The following GOLGA3 variants were observed in gnomAD, a reference collection of about 807,000 sequenced individuals.
The protein encoded by GOLGA3 is golgin subfamily A member 3.
In GOLGA3, 75 loss-of-function variants were observed where a neutral mutation model predicts 169.4. That is an observed-to-expected ratio of 0.44 (90% CI 0.37 to 0.54). The LOEUF is 0.54. GOLGA3 is among the 20% of genes least tolerant of loss of function. The pLI is 0.00. For missense variants in GOLGA3, 1,899 were observed against 1,930.0 expected (o/e 0.98, Z 0.30); for synonymous variants, 824 against 822.4 (o/e 1.00, Z -0.03).
At chr12:132,797,958 C>T (rs1948936587) in intron 9 of GOLGA3, among the ~76,000 whole-genome samples, 1 of 152,226 alleles carries the variant, frequency 6.6e-6, no homozygotes. Context: ...CGCACTGGCC[C>T]CTTCCTCCGT....
chr12:132,822,727 C>A (rs1950267225), intron 1 of GOLGA3, among the ~76,000 whole-genome samples: 1 of 152,128 alleles, frequency 6.6e-6, no homozygotes, highest in South Asian at 2.1e-4. Flanking sequence ...TCAAGACCAG[C>A]CTGGCCAACA....
intron 11 of GOLGA3, among the ~76,000 whole-genome samples, chr12:132,795,535 T>C (rs112434181): frequency 2.1e-5 from 3 of 143,340 alleles, no homozygotes; most frequent in East Asian, 2.1e-4. Flanking sequence ...CCGAGGCGGG[T>C]GGATCACTTG....
In GOLGA3 at chr12:132,801,823, G is replaced by A. The variant is rs752845383; in HGVS notation, c.1744C>T (p.Leu582Phe). 2 of 1,610,160 alleles carry A rather than the reference G, an allele frequency of 1.2e-6. No individual in the cohort carries two copies. The highest frequency in any genetic ancestry group is 1.1e-5 in the South Asian group (1 of 91,086). Residue 582 changes from leucine to phenylalanine, a missense_variant, in exon 8 of 24, where the codon CTC becomes TTC. Coordinates refer to ENST00000450791, the MANE Select transcript of GOLGA3 (RefSeq NM_001389683.1). ...ACGCGGGCCTCCTGTGCCAGGGCGA[G>A]CTGCTGCTGGTACCACTGCCGGACA... ...QSVRQWYQQQLALAQEARVRL... is the reference protein window; with the variant it reads ...QSVRQWYQQQFALAQEARVRL...
chr12:132,796,417 C>G (rs1363422483), intron 10 of GOLGA3, 122 bp downstream of exon 10: 1 of 1,258,014 alleles, frequency 7.9e-7, no homozygotes, highest in Non-Finnish European at 1.1e-6. Flanking sequence ...ACCGACAGCC[C>G]AACTCCCACC....
intron 1 of GOLGA3, among the ~76,000 whole-genome samples, chr12:132,825,282 A>T (rs556952068): frequency 2.0e-5 from 3 of 152,074 alleles, no homozygotes; most frequent in Non-Finnish European, 2.9e-5. Context: ...CCCCGCAGGT[A>T]AAGTGTCTCG....
rs2044862845 is a variant in GOLGA3, at chr12:132,770,711, T to G, written c.*2394A>C. The G allele has an allele frequency of 6.6e-6, 1 of 152,282 alleles. No homozygotes were observed. Among genetic ancestry groups the G allele is most frequent in the Admixed American group, 6.5e-5 (1 of 15,288 alleles). 9.4% of individuals were successfully genotyped at this position (152,282 alleles called of 1,614,324 possible). On this transcript the variant is annotated 3_prime_UTR_variant, in exon 24 of 24. Transcript: ENST00000450791. The stretch of plus-strand genomic sequence containing the variant: ...GGGCAGTGGCGCGATCTCGGCTCAC[T>G]GCAAGCTCCGCCTCCTGGGTTCAAG...
At chr12:132,783,745 T>G in intron 16 of GOLGA3, 3 of 338,230 alleles carry the variant, frequency 8.9e-6, no homozygotes, top group Non-Finnish European at 5.0e-6. Flanking sequence ...ACCCGGCTAA[T>G]TTTTGTATTT....
In GOLGA3 at chr12:132,796,522, G is replaced by C. The variant is rs1948848579; in HGVS notation, c.2100+17C>G. ...ACCTGGGGCCTGGGTCCAGCCTGAAGGGCTGCAGGGACTTACCTGCTCCAG... is the reference window on the plus strand; with the variant it reads ...ACCTGGGGCCTGGGTCCAGCCTGAACGGCTGCAGGGACTTACCTGCTCCAG... On this transcript the variant is annotated intron_variant, in intron 10 of 23. Coordinates refer to ENST00000450791, the MANE Select transcript of GOLGA3 (RefSeq NM_001389683.1). 1.9e-6 allele frequency: 3 copies of C among 1,602,962 alleles called. No individual in the cohort carries two copies. Among genetic ancestry groups the C allele is most frequent in the East Asian group, 2.2e-5 (1 of 44,886 alleles).
intron 17 of GOLGA3, 32 bp downstream of exon 17, chr12:132,782,264 G>T: frequency 6.4e-7 from 1 of 1,550,884 alleles, no homozygotes; most frequent in Non-Finnish European, 8.9e-7. Flanking sequence ...CTCTCACACC[G>T]TTGCTGGCGT....
Position 132,772,988 on chromosome 12 carries a change from A to G in GOLGA3, c.*117T>C, listed in dbSNP as rs565237830. 2.8e-5 allele frequency: 21 copies of G among 750,286 alleles called. No homozygotes were observed. Among genetic ancestry groups the G allele is most frequent in the Admixed American group, 2.0e-4 (6 of 30,386 alleles). The allele number at this position is 750,286 out of a possible 1,614,324, so 46.5% of individuals were successfully genotyped here. A position where few individuals can be genotyped will look rare whatever the true frequency, so the allele number is the denominator to read the frequency against. ...TCTGCTATATATTTTACTTCTTGTT[A>G]AAGGCAAAACAAAACTTAAATTTCA... On this transcript the variant is annotated 3_prime_UTR_variant, in exon 24 of 24. Transcript: ENST00000450791.
chr12:132,776,127 TCCCG>T, intron 21 of GOLGA3, among the ~76,000 whole-genome samples: 2 of 91,272 alleles, frequency 2.2e-5, no homozygotes, highest in Non-Finnish European at 6.1e-5. Context: ...GAAGTGGTGC[TCCCG>T]CCTGTGTCCA....
At chr12:132,789,897 G>A (rs2046132703) in intron 12 of GOLGA3, among the ~76,000 whole-genome samples, 1 of 152,150 alleles carries the variant, frequency 6.6e-6, no homozygotes, top group South Asian at 2.1e-4. Context: ...GCCAGGCGTG[G>A]TGGTGCATGC....
chr12:132,807,486 G>A (rs1465568171), intron 5 of GOLGA3, among the ~76,000 whole-genome samples, 198 bp from the exon 6 acceptor site: 1 of 152,198 alleles, frequency 6.6e-6, no homozygotes. Flanking sequence ...CTCACGCAGT[G>A]GGAACTGTTA....
At chr12:132,822,820 G>A (rs1455981695) in intron 1 of GOLGA3, among the ~76,000 whole-genome samples, 1 of 152,192 alleles carries the variant, frequency 6.6e-6, no homozygotes, top group Non-Finnish European at 1.5e-5. Context: ...TACTCGGGAG[G>A]CTGAGGCAGG....
At chr12:132,775,745 T>A (rs1343593480) in intron 21 of GOLGA3, among the ~76,000 whole-genome samples, 1 of 137,124 alleles carries the variant, frequency 7.3e-6, no homozygotes, top group Admixed American at 8.6e-5. Flanking sequence ...TGGACGCTTG[T>A]CGGCCTGTGT....
At chr12:132,775,746 C>T (rs192816162) in intron 21 of GOLGA3, among the ~76,000 whole-genome samples, 229 of 137,284 alleles carry the variant, frequency 1.7e-3, no homozygotes, top group Non-Finnish European at 3.3e-3. Flanking sequence ...GGACGCTTGT[C>T]GGCCTGTGTC....
At position 132,777,780 on chromosome 12, in the gene GOLGA3, C is replaced by A; in HGVS notation, c.3608G>T (p.Gly1203Val). 1 of 1,613,594 alleles carries A rather than the reference C, an allele frequency of 6.2e-7. No individual in the cohort carries two copies. Among genetic ancestry groups the A allele is most frequent in the East Asian group, 2.2e-5 (1 of 44,862 alleles). ...EQVAAAKVEAGHNRRHFKAAS... is the reference protein window; with the variant it reads ...EQVAAAKVEAVHNRRHFKAAS... ...CGCCTTGAAGTGGCGGCGGTTATGC[C>A]CGGCTTCCACCTTGGCAGCAGCCAC... is the stretch of plus-strand genomic sequence containing the variant. The change falls in exon 19 of 24, where the codon GGG (glycine) becomes GTG (valine). Residue 1203 changes from glycine to valine, a missense_variant. Coordinates refer to ENST00000450791, the MANE Select transcript of GOLGA3 (RefSeq NM_001389683.1). This position sits in a 1 kb window ranked among gnomAD's most constrained non-coding sequence, Gnocchi z 4.7.
At chr12:132,788,962 A>AGAAACAGGC in intron 13 of GOLGA3, 65 bp downstream of exon 13, 2 of 310,610 alleles carry the variant, frequency 6.4e-6, no homozygotes, top group Non-Finnish European at 9.3e-6. Flanking sequence ...CACAGGCCCC[A>AGAAACAGGC]CCCTCCCGAC....
chr12:132,776,390 C>G (rs1195852362), intron 21 of GOLGA3, among the ~76,000 whole-genome samples: 2 of 135,986 alleles, frequency 1.5e-5, no homozygotes, highest in Non-Finnish European at 3.0e-5. Flanking sequence ...GAGCCTCACA[C>G]AGGTACCCGC....
Sources: gnomAD v4.1 joint callset for allele counts (sites outside exome capture counted in the v4.1 genomes callset) on GRCh38, gnomAD v4.1.1 for gene constraint, Gnocchi (gnomAD v3.1) non-coding constraint, MANE v1.5 for transcripts, NCBI Gene and HGNC (gene_info 2026-07-23, HGNC 2026-07-21) for gene names.